Variants in PTPRQ observed in about 807,000 individuals in gnomAD.
The protein encoded by PTPRQ is phosphatidylinositol phosphatase PTPRQ.
PTPRQ carries 199 observed loss-of-function variants against 246.0 expected under a neutral mutation model. The ratio of observed to expected loss-of-function variants is 0.81; its 90% CI spans 0.72 to 0.91. The LOEUF is 0.91. Ranked by LOEUF, PTPRQ falls within the 40% of genes least tolerant of loss-of-function variation. The pLI, the probability that PTPRQ is intolerant of heterozygous loss-of-function variation, is 0.00. For synonymous variants in PTPRQ, 869 were observed against 853.2 expected (o/e 1.02, Z -0.32); for missense variants, 2,624 against 2,528.4 (o/e 1.04, Z -0.81).
chr12:80,620,120 T>C (rs1316987727), intron 31 of PTPRQ, 34 bp from the exon 32 acceptor site: 4 of 1,508,576 alleles, frequency 2.7e-6, no homozygotes, highest in Non-Finnish European at 3.5e-6. Flanking sequence ...CATATGTTAC[T>C]TGGAATTATT....
At chr12:80,658,490 C>T (rs1333510718) in intron 39 of PTPRQ, among the ~76,000 whole-genome samples, 2 of 152,034 alleles carry the variant, frequency 1.3e-5, no homozygotes, top group Non-Finnish European at 2.9e-5. Context: ...ATGCCATCAC[C>T]ATCATAGGTA....
chr12:80,590,438 C>T (rs1027349535), intron 26 of PTPRQ, among the ~76,000 whole-genome samples: 2 of 151,902 alleles, frequency 1.3e-5, no homozygotes, highest in African/African-American at 2.4e-5. Context: ...GAGGCTGAGG[C>T]GGGTGGATCA....
chr12:80,490,628 A>T (rs1209407830), intron 9 of PTPRQ, among the ~76,000 whole-genome samples: 5 of 151,990 alleles, frequency 3.3e-5, no homozygotes, highest in African/African-American at 4.8e-5. Flanking sequence ...GCTGGGGGCC[A>T]GGGAAGCTGC....
At chr12:80,449,313 C>T (rs1462302995) in intron 3 of PTPRQ, among the ~76,000 whole-genome samples, 6 of 152,194 alleles carry the variant, frequency 3.9e-5, no homozygotes, top group African/African-American at 1.2e-4. Context: ...AATTTTCCCC[C>T]ATTTTTTGGG....
intron 17 of PTPRQ, among the ~76,000 whole-genome samples, chr12:80,511,438 T>G (rs1440704421): frequency 6.6e-6 from 1 of 152,154 alleles, no homozygotes; most frequent in African/African-American, 2.4e-5. Flanking sequence ...ATTTATTCAC[T>G]CATTCATTCA....
At chr12:80,518,015 G>A (rs1895357634) in intron 17 of PTPRQ, among the ~76,000 whole-genome samples, 1 of 152,136 alleles carries the variant, frequency 6.6e-6, no homozygotes, top group Non-Finnish European at 1.5e-5. Flanking sequence ...AGGATTGCTA[G>A]ATTTTACATT....
At chr12:80,535,176 A>C in intron 19 of PTPRQ, 139 bp downstream of exon 19, 1 of 819,788 alleles carries the variant, frequency 1.2e-6, no homozygotes, top group Non-Finnish European at 1.8e-6. Flanking sequence ...TCCCATTGAC[A>C]TAGAAAAATG....
intron 33 of PTPRQ, among the ~76,000 whole-genome samples, chr12:80,625,476 T>A (rs1041076335): frequency 5.3e-5 from 8 of 152,162 alleles, no homozygotes; most frequent in African/African-American, 1.7e-4. Flanking sequence ...ATTTAAGAGC[T>A]TTTGCACGAC....
chr12:80,462,722 T>C (rs1014879727), intron 6 of PTPRQ: 16 of 155,426 alleles, frequency 1.0e-4, no homozygotes, highest in African/African-American at 4.1e-4. Flanking sequence ...AATCCACTGT[T>C]CTGCAGCCAC....
At chr12:80,511,624 G>A (rs924993684) in intron 17 of PTPRQ, among the ~76,000 whole-genome samples, 11 of 152,176 alleles carry the variant, frequency 7.2e-5, no homozygotes, top group Non-Finnish European at 1.5e-5. Context: ...GATGCTTCAG[G>A]AAGTTCTCTT....
intron 35 of PTPRQ, among the ~76,000 whole-genome samples, chr12:80,641,959 TTTC>T (rs1041562873): frequency 4.7e-5 from 7 of 149,038 alleles, no homozygotes; most frequent in African/African-American, 2.5e-5. Flanking sequence ...CTTTCTCTTT[TTTC>T]TTCTTTCTTT....
intron 31 of PTPRQ, among the ~76,000 whole-genome samples, 152 bp downstream of exon 31, chr12:80,619,694 A>G (rs1299524198): frequency 6.6e-6 from 1 of 151,518 alleles, no homozygotes; most frequent in East Asian, 1.9e-4. Flanking sequence ...GATACCAATC[A>G]TTTCTTTGTA....
At chr12:80,490,574 A>G (rs1456415000) in intron 9 of PTPRQ, among the ~76,000 whole-genome samples, 1 of 151,588 alleles carries the variant, frequency 6.6e-6, no homozygotes, top group East Asian at 1.9e-4. Flanking sequence ...TCCAAGAAAC[A>G]TGTGTTAATC....
chr12:80,538,462 A>C (rs1178118048), intron 19 of PTPRQ, among the ~76,000 whole-genome samples: 1 of 152,226 alleles, frequency 6.6e-6, no homozygotes, highest in African/African-American at 2.4e-5. Flanking sequence ...CTATGTTAAT[A>C]CTTTTAAGTG....
chr12:80,576,684 T>G (rs1897286961), intron 25 of PTPRQ, among the ~76,000 whole-genome samples: 1 of 152,126 alleles, frequency 6.6e-6, no homozygotes, highest in South Asian at 2.1e-4. Context: ...TCACTGTACA[T>G]TAACTATTGA....
At chr12:80,566,360 C>T (rs1592662559) in intron 25 of PTPRQ, among the ~76,000 whole-genome samples, 1 of 151,838 alleles carries the variant, frequency 6.6e-6, no homozygotes, top group African/African-American at 2.4e-5. Flanking sequence ...TGCCTGTAGT[C>T]CCAGCTACTT....
intron 27 of PTPRQ, among the ~76,000 whole-genome samples, chr12:80,605,591 A>C (rs956717414): frequency 6.6e-6 from 1 of 151,246 alleles, no homozygotes; most frequent in African/African-American, 2.4e-5. Context: ...AGAAGAGAGA[A>C]GGCATTAGGA....
chr12:80,508,914 G>A (rs2120709036), intron 16 of PTPRQ, among the ~76,000 whole-genome samples: 1 of 152,078 alleles, frequency 6.6e-6, no homozygotes, highest in East Asian at 1.9e-4. Flanking sequence ...AGTAGAAATG[G>A]TTAGTTGCAA....
rs566956543 is a variant in PTPRQ, at chr12:80,620,635, A to C, written c.5612+259A>C. On this transcript the variant is annotated intron_variant, in intron 32 of 44. Transcript: ENST00000644991. Reference sequence around the variant, plus strand: ...TATAAGTTACATAAAGACCATATGAAAAATGTGCTATTGGAGAACATAGGT... The same window carrying C: ...TATAAGTTACATAAAGACCATATGACAAATGTGCTATTGGAGAACATAGGT... 4.6e-5 allele frequency among the ~76,000 whole-genome samples: 7 copies of C among 151,974 alleles called. No individual in the cohort carries two copies. In the South Asian group the frequency reaches 1.4e-3, roughly 31 times the overall value.
Sources: allele counts gnomAD v4.1 joint callset (sites outside exome capture counted in the v4.1 genomes callset), GRCh38; gene constraint gnomAD v4.1.1; transcripts MANE v1.5; gene names NCBI Gene and HGNC (gene_info 2026-07-23, HGNC 2026-07-21).